Variants in GPATCH8 observed in about 807,000 individuals in gnomAD.
The protein encoded by GPATCH8 is G-patch domain containing 8.
Under a neutral mutation model 118.3 loss-of-function variants are expected in GPATCH8, and 18 were observed. That is an observed-to-expected ratio of 0.15 (90% CI 0.11 to 0.23). The LOEUF (loss-of-function observed/expected upper bound fraction) is 0.23, where lower values mean the gene tolerates loss of function less well. Among genes scored for constraint, GPATCH8 ranks in the 10% least tolerant of loss-of-function variants. The pLI, the probability that GPATCH8 is intolerant of heterozygous loss-of-function variation, is 1.00. For synonymous variants in GPATCH8, 659 were observed against 684.7 expected, an observed-to-expected ratio of 0.96 and a Z score of 0.59; for missense variants, 1,631 against 1,873.8, an observed-to-expected ratio of 0.87 and a Z score of 2.39.
intron 1 of GPATCH8, among the ~76,000 whole-genome samples, chr17:44,491,486 C>CAA (rs1023934645): frequency 1.5e-3 from 105 of 69,142 alleles, no homozygotes; most frequent in African/African-American, 2.5e-3. Context: ...GACTCCGTCT[C>CAA]AAAAAAAAAA....
chr17:44,459,210 A>C (rs1289533763), intron 3 of GPATCH8, among the ~76,000 whole-genome samples: 3 of 152,212 alleles, frequency 2.0e-5, no homozygotes, highest in Non-Finnish European at 4.4e-5. Flanking sequence ...ACAGATCCTG[A>C]AGTCCAACAT....
chr17:44,484,181 G>A (rs925645409), intron 1 of GPATCH8, among the ~76,000 whole-genome samples: 16 of 151,016 alleles, frequency 1.1e-4, no homozygotes, highest in African/African-American at 3.7e-4. Context: ...ACAGGGTTTC[G>A]CCATGTTGGC....
intron 1 of GPATCH8, among the ~76,000 whole-genome samples, chr17:44,494,536 G>A (rs1969517891): frequency 6.6e-6 from 1 of 152,128 alleles, no homozygotes; most frequent in Non-Finnish European, 1.5e-5. Context: ...AGGTTGCAGT[G>A]AGCCAAGACT....
At chr17:44,430,250 T>C (rs2050257382) in intron 5 of GPATCH8, among the ~76,000 whole-genome samples, 1 of 152,140 alleles carries the variant, frequency 6.6e-6, no homozygotes, top group East Asian at 1.9e-4. Context: ...TAATATCTTT[T>C]CTGTGTACAG....
At chr17:44,478,676 C>CA (rs1053177284) in intron 1 of GPATCH8, among the ~76,000 whole-genome samples, 2 of 151,646 alleles carry the variant, frequency 1.3e-5, no homozygotes, top group East Asian at 1.9e-4. Flanking sequence ...CAAAAAAAAA[C>CA]AAAAAACAAA....
At chr17:44,477,786 A>T (rs1015746792) in intron 1 of GPATCH8, among the ~76,000 whole-genome samples, 2 of 152,008 alleles carry the variant, frequency 1.3e-5, no homozygotes, top group African/African-American at 4.8e-5. Context: ...AAAAATTAAA[A>T]ACAGCTATTA....
intron 1 of GPATCH8, among the ~76,000 whole-genome samples, chr17:44,490,702 A>G (rs1969182133): frequency 6.6e-6 from 1 of 152,130 alleles, no homozygotes; most frequent in South Asian, 2.1e-4. Context: ...CATACACCCA[A>G]CTGACTTTCC....
At position 44,414,141 on chromosome 17, in the gene GPATCH8, ATG is replaced by A. The variant is rs1161135890; in HGVS notation, c.493-8092_493-8091del. Among the ~76,000 whole-genome samples the A allele has an allele frequency of 4.8e-4, 64 of 133,288 alleles. No homozygotes were observed. In the Middle Eastern group the frequency reaches 0.011, roughly 23 times the overall value. The allele number at this position is 133,288 out of a possible 152,430, so 87.4% of individuals were successfully genotyped here. A position where few individuals can be genotyped will look rare whatever the true frequency, so the allele number is the denominator to read the frequency against. On this transcript the variant is annotated intron_variant, in intron 6 of 7. Transcript: ENST00000591680. ...TGTATATATATGTGTATATATATAT[ATG>A]TGTATATATATATGTGTATATATAT...
At chr17:44,466,509 T>G (rs1361511670) in intron 2 of GPATCH8, among the ~76,000 whole-genome samples, 8 of 152,118 alleles carry the variant, frequency 5.3e-5, no homozygotes, top group African/African-American at 1.7e-4. Context: ...AAAAATATAA[T>G]ATAACACTAC....
At chr17:44,474,450 T>C (rs1251729791) in intron 2 of GPATCH8, 4 of 289,908 alleles carry the variant, frequency 1.4e-5, no homozygotes, top group Non-Finnish European at 6.7e-6. Flanking sequence ...ATTCTACTTA[T>C]GTAGGAACAT....
At chr17:44,416,364 G>A (rs115989128) in intron 6 of GPATCH8, among the ~76,000 whole-genome samples, 1,864 of 152,172 alleles carry the variant, frequency 0.012, 33 homozygotes, top group African/African-American at 0.037. Context: ...GGTATAATAA[G>A]TTTACTCCCA....
chr17:44,437,963 A>C (rs11650338), intron 3 of GPATCH8, among the ~76,000 whole-genome samples: 57,370 of 145,640 alleles, frequency 0.39, 12,436 homozygotes, highest in Middle Eastern at 0.5. Flanking sequence ...AAAAAAACAA[A>C]ACAACAACTT....
intron 5 of GPATCH8, 143 bp downstream of exon 5, chr17:44,434,922 T>C (rs1439697579): frequency 4.4e-6 from 3 of 688,150 alleles, no homozygotes; most frequent in African/African-American, 1.8e-5. Flanking sequence ...AGGAATGTAA[T>C]AGAAATCTGA....
At chr17:44,447,537 T>C (rs548117829) in intron 3 of GPATCH8, among the ~76,000 whole-genome samples, 367 of 152,080 alleles carry the variant, frequency 2.4e-3, no homozygotes, top group African/African-American at 8.7e-3. Context: ...TAAGAGATAA[T>C]AGCTAGACAC....
intron 3 of GPATCH8, among the ~76,000 whole-genome samples, chr17:44,453,555 TCTCA>T (rs1028051047): frequency 4.8e-5 from 5 of 103,812 alleles, no homozygotes; most frequent in African/African-American, 1.1e-4. Flanking sequence ...TGAGACATGC[TCTCA>T]CTGTCATCCA....
At chr17:44,457,148 C>A (rs939070410) in intron 3 of GPATCH8, among the ~76,000 whole-genome samples, 8 of 152,028 alleles carry the variant, frequency 5.3e-5, no homozygotes, top group African/African-American at 1.9e-4. Flanking sequence ...CAGGTGTGAC[C>A]CACTGCAACT....
chr17:44,431,825 CTGAGGTGGGAGGAT>C (rs574576692), intron 5 of GPATCH8, among the ~76,000 whole-genome samples: 346 of 151,876 alleles, frequency 2.3e-3, no homozygotes, highest in African/African-American at 8.0e-3. Flanking sequence ...ACTTGGGAGG[CTGAGGTGGGAGGAT>C]TGTATGAGCC....
chr17:44,484,018 T>C (rs1968574907), intron 1 of GPATCH8, among the ~76,000 whole-genome samples: 1 of 152,168 alleles, frequency 6.6e-6, no homozygotes. Flanking sequence ...ATTTCTGTAT[T>C]TGTAGTAGAG....
chr17:44,400,075 G>T lies in GPATCH8; in HGVS notation c.2002C>A (p.Arg668=). 1.2e-6 allele frequency: 2 copies of T among 1,613,844 alleles called. No homozygotes were observed. Among genetic ancestry groups the T allele is most frequent in the Non-Finnish European group, 8.5e-7 (1 of 1,180,000 alleles). ...TTGTGCCGGTGGGACTTCCCAGATC[G>T]TTCTTTCTTGCTGGGAAGGCTTCTC... is the stretch of plus-strand genomic sequence containing the variant. ...TGRSLPSKKE[R]SGKSHRHKKK... The change falls in exon 8 of 8, where the codon CGA becomes AGA. Residue 668 remains arginine, a synonymous_variant. Transcript: ENST00000591680.
Sources: gnomAD v4.1 joint callset for allele counts (sites outside exome capture counted in the v4.1 genomes callset) on GRCh38, gnomAD v4.1.1 for gene constraint, MANE v1.5 for transcripts, NCBI Gene and HGNC (gene_info 2026-07-23, HGNC 2026-07-21) for gene names.